ERP27: variants seen among roughly 807,000 people sequenced by gnomAD.
ERP27 encodes the protein endoplasmic reticulum protein 27, also known as endoplasmic reticulum resident protein 27.
ERP27 carries 23 observed loss-of-function variants against 27.7 expected under a neutral mutation model. The ratio of observed to expected loss-of-function variants is 0.83; its 90% confidence interval spans 0.60 to 1.18. The LOEUF (loss-of-function observed/expected upper bound fraction) is 1.18. Ranked by LOEUF, ERP27 falls within the 50% of genes most tolerant of loss-of-function variation. The pLI, the probability that ERP27 is intolerant of heterozygous loss-of-function variation, is 0.00. For missense variants in ERP27, 363 were observed against 327.9 expected (o/e 1.11, Z -0.83); for synonymous variants, 159 against 118.3 (o/e 1.34, Z -2.23).
intron 3 of ERP27, among the ~76,000 whole-genome samples, chr12:14,932,943 T>A (rs1293457431): frequency 1.3e-5 from 2 of 152,226 alleles, no homozygotes; most frequent in African/African-American, 2.4e-5. Flanking sequence ...AGTATAGTGC[T>A]TATGAGGGTA....
intron 4 of ERP27, among the ~76,000 whole-genome samples, chr12:14,918,307 C>T (rs914682750): frequency 6.6e-6 from 1 of 152,154 alleles, no homozygotes; most frequent in Non-Finnish European, 1.5e-5. Context: ...TAAACAAACT[C>T]GATCTCAAAT....
Position 14,915,625 on chromosome 12 carries a change from T to C in ERP27, c.638A>G (p.Lys213Arg). 6.2e-7 allele frequency: 1 copy of C among 1,614,206 alleles called. No homozygotes were observed. Among genetic ancestry groups the C allele is most frequent in the Non-Finnish European group, 8.5e-7 (1 of 1,180,020 alleles). ...AGCTGGCAGTTGAGACTCCTTTAGT[T>C]TGAAAAATGATATCACCTTCCCATT... The part of the protein sequence containing the change: ...KENGKVISFF[K>R]LKESQLPALA... The change falls in exon 6 of 7, where the codon AAA becomes AGA. Residue 213 changes from lysine to arginine, a missense_variant. Physicochemically the swap from Lys to Arg is conservative, Grantham distance 26. Coordinates refer to ENST00000266397, the MANE Select transcript of ERP27 (RefSeq NM_152321.4).
chr12:14,931,427 A>C (rs1863695412), intron 3 of ERP27, among the ~76,000 whole-genome samples: 1 of 152,042 alleles, frequency 6.6e-6, no homozygotes, highest in Non-Finnish European at 1.5e-5. Flanking sequence ...TATGTACTAA[A>C]GTTTTGAAAG....
intron 3 of ERP27, among the ~76,000 whole-genome samples, chr12:14,931,532 G>A (rs1456622455): frequency 4.6e-5 from 7 of 152,178 alleles, no homozygotes; most frequent in Admixed American, 3.3e-4. Flanking sequence ...GAACCATTTT[G>A]TTTGTTTTCT....
At chr12:14,918,163 CATAG>C (rs1180097337) in intron 4 of ERP27, among the ~76,000 whole-genome samples, 2 of 152,162 alleles carry the variant, frequency 1.3e-5, no homozygotes, top group African/African-American at 4.8e-5. Flanking sequence ...GAAATTGAGG[CATAG>C]ATAGACTAAT....
intron 4 of ERP27, 28 bp downstream of exon 4, chr12:14,920,904 G>T: frequency 1.3e-6 from 2 of 1,576,122 alleles, no homozygotes; most frequent in Non-Finnish European, 1.7e-6. Context: ...AGGGTCTGAA[G>T]GGACTAAGAA....
intron 2 of ERP27, 62 bp from the exon 3 acceptor site, chr12:14,935,055 G>T: frequency 1.3e-6 from 2 of 1,564,956 alleles, no homozygotes; most frequent in South Asian, 2.3e-5. Context: ...ACAAACGATA[G>T]GCAAAAGAAA....
At chr12:14,928,129 C>T (rs1385589531) in intron 3 of ERP27, among the ~76,000 whole-genome samples, 1 of 152,216 alleles carries the variant, frequency 6.6e-6, no homozygotes. Context: ...TGCTCTTGGA[C>T]ATCTCCTTAA....
Position 14,914,657 on chromosome 12 carries a change from A to C in ERP27, c.*78T>G. The C allele has an allele frequency of 7.3e-7, 1 of 1,375,452 alleles. No homozygotes were observed. Among genetic ancestry groups the C allele is most frequent in the South Asian group, 1.2e-5 (1 of 81,410 alleles). 85.2% of individuals were successfully genotyped at this position (1,375,452 alleles called of 1,614,324 possible). A position where few individuals can be genotyped will look rare whatever the true frequency, so the allele number is the denominator to read the frequency against. On this transcript the variant is annotated 3_prime_UTR_variant, in exon 7 of 7. Transcript: ENST00000266397. ...GGCAGGCCTAGTGATCCTGTTGTTT[A>C]GTGTCTCTGAGATTTGAGTTGTGCC...
At chr12:14,924,047 A>G (rs1264643937) in intron 3 of ERP27, among the ~76,000 whole-genome samples, 2 of 152,024 alleles carry the variant, frequency 1.3e-5, no homozygotes, top group African/African-American at 4.8e-5. Context: ...TCCGCTCCCC[A>G]GCTTTCCATA....
In ERP27 at chr12:14,914,736, C is replaced by T. The variant is rs540863870; in HGVS notation, c.821G>A (p.Ter274=). The change falls in exon 7 of 7, where the codon TGA becomes TAA. Residue 274 remains the stop codon, a stop_retained_variant. Transcript: ENST00000266397. ...GCCATATGTAGTTCCAAGGAGAAGTCAGAGTTCCACCTTTGGAGTCTTTCC... is the reference window on the plus strand; with the variant it reads ...GCCATATGTAGTTCCAAGGAGAAGTTAGAGTTCCACCTTTGGAGTCTTTCC... ...SEGKTPKVEL[*] 1 of 1,613,248 alleles carries T rather than the reference C, an allele frequency of 6.2e-7. No homozygotes were observed. The highest frequency in any genetic ancestry group is 1.7e-5 in the Admixed American group (1 of 59,824).
intron 3 of ERP27, chr12:14,928,951 T>C: frequency 6.5e-7 from 1 of 1,535,264 alleles, no homozygotes; most frequent in Non-Finnish European, 8.7e-7. Context: ...CGACCTGTAT[T>C]TCCAGCTGGC....
At chr12:14,917,140 G>A (rs1346749867) in intron 5 of ERP27, 38 bp downstream of exon 5, 1 of 1,612,700 alleles carries the variant, frequency 6.2e-7, no homozygotes, top group Non-Finnish European at 8.5e-7. Context: ...GTGTCCTGGA[G>A]GTGTGTATGC....
In ERP27 at chr12:14,914,555, G is replaced by A; in HGVS notation, c.*180C>T. 1 of 449,208 alleles carries A rather than the reference G, an allele frequency of 2.2e-6. No homozygotes were observed. The highest frequency in any genetic ancestry group is 3.7e-6 in the Non-Finnish European group (1 of 267,664). 27.8% of individuals were successfully genotyped at this position (449,208 alleles called of 1,614,324 possible). A position where few individuals can be genotyped will look rare whatever the true frequency, so the allele number is the denominator to read the frequency against. ...ACGAGATTTTAAGACAGGAAATGAA[G>A]CTCTGTGTGTGTGTGTGTGTGTGCG... On this transcript the variant is annotated 3_prime_UTR_variant, in exon 7 of 7. Coordinates refer to ENST00000266397, the MANE Select transcript of ERP27 (RefSeq NM_152321.4).
At chr12:14,934,721 C>G in intron 3 of ERP27, 135 bp downstream of exon 3, 1 of 1,103,820 alleles carries the variant, frequency 9.1e-7, no homozygotes, top group Non-Finnish European at 1.3e-6. Context: ...GAGTCATCAT[C>G]CTTGTCAACA....
chr12:14,921,189 G>A (rs1375229303), intron 3 of ERP27, 141 bp from the exon 4 acceptor site: 2 of 661,550 alleles, frequency 3.0e-6, no homozygotes, highest in East Asian at 2.7e-5. Context: ...CTGCCCTAGG[G>A]GGACAAACTG....
In ERP27 at chr12:14,914,571, T is replaced by TGCAC. The variant is rs1404601045; in HGVS notation, c.*163_*164insGTGC. 5.5e-4 allele frequency: 298 copies of TGCAC among 543,378 alleles called. 2 individuals are homozygous for TGCAC. In the African/African-American group the frequency reaches 6.1e-3, roughly 11 times the overall value. 33.7% of individuals were successfully genotyped at this position (543,378 alleles called of 1,614,324 possible). ...GGAAATGAAGCTCTGTGTGTGTGTG[T>TGCAC]GTGTGTGCGTGTGTGTGTGCACGCG... On this transcript the variant is annotated 3_prime_UTR_variant, in exon 7 of 7. Transcript: ENST00000266397.
chr12:14,923,535 C>CTATA (rs1265258602), intron 3 of ERP27, among the ~76,000 whole-genome samples: 2 of 151,288 alleles, frequency 1.3e-5, no homozygotes, highest in African/African-American at 4.9e-5. Context: ...ATCTATCTAT[C>CTATA]TATATTACCT....
chr12:14,930,068 G>A (rs929021613), intron 3 of ERP27, among the ~76,000 whole-genome samples: 5 of 151,966 alleles, frequency 3.3e-5, no homozygotes, highest in African/African-American at 1.2e-4. Context: ...TAATGCATGC[G>A]GGGCTTAAAA....
Sources: allele counts gnomAD v4.1 joint callset (sites outside exome capture counted in the v4.1 genomes callset), GRCh38; gene constraint gnomAD v4.1.1; transcripts MANE v1.5; gene names NCBI Gene and HGNC (gene_info 2026-07-23, HGNC 2026-07-21).